Variants in DDX42 observed in about 807,000 individuals in gnomAD.
DDX42 encodes the protein ATP-dependent RNA helicase DDX42.
A neutral mutation model predicts 101.5 loss-of-function variants in DDX42; 22 were observed. That is an observed-to-expected ratio of 0.22 (90% CI 0.15 to 0.31). The LOEUF is 0.31. Among genes scored for constraint, DDX42 ranks in the 10% least tolerant of loss-of-function variants. The pLI, the probability that DDX42 is intolerant of heterozygous loss-of-function variation, is 1.00. For missense variants in DDX42, 849 were observed against 1,199.9 expected, an observed-to-expected ratio of 0.71 and a Z score of 4.32; for synonymous variants, 402 against 401.2, an observed-to-expected ratio of 1.00 and a Z score of -0.02.
chr17:63,796,317 T>C (rs560065119), intron 3 of DDX42, among the ~76,000 whole-genome samples: 1 of 152,194 alleles, frequency 6.6e-6, no homozygotes, highest in South Asian at 2.1e-4. Flanking sequence ...CTTTTTTCTT[T>C]TTGGAGGGAG....
At chr17:63,780,046 C>T (rs1200106072) in intron 1 of DDX42, among the ~76,000 whole-genome samples, 1 of 152,200 alleles carries the variant, frequency 6.6e-6, no homozygotes, top group East Asian at 1.9e-4. Context: ...CCTGTAATCC[C>T]AGCACTTTGG....
chr17:63,806,677 A>C (rs765111358), intron 8 of DDX42, 23 bp downstream of exon 8: 16 of 1,593,508 alleles, frequency 1.0e-5, no homozygotes, highest in African/African-American at 2.7e-5. Flanking sequence ...TAATGAAAGA[A>C]AAATAAAGTA....
At chr17:63,786,009 C>T (rs2039543901) in intron 1 of DDX42, among the ~76,000 whole-genome samples, 1 of 152,166 alleles carries the variant, frequency 6.6e-6, no homozygotes, top group Non-Finnish European at 1.5e-5. Flanking sequence ...TGGCCTTGCA[C>T]ATATCAGATT....
chr17:63,783,832 G>A (rs1395932853), intron 1 of DDX42, among the ~76,000 whole-genome samples: 1 of 152,066 alleles, frequency 6.6e-6, no homozygotes, highest in Non-Finnish European at 1.5e-5. Context: ...GGAGGCCAAG[G>A]TGGTTGGATT....
chr17:63,811,303 T>A (rs2039907463), intron 13 of DDX42, 130 bp downstream of exon 13: 8 of 684,984 alleles, frequency 1.2e-5, no homozygotes, highest in Non-Finnish European at 1.6e-5. Context: ...TGCTTGAGAT[T>A]GGGTATTTTG....
Position 63,809,007 on chromosome 17 carries a change from T to G in DDX42, c.1152+59T>G, listed in dbSNP as rs16947104. 2.2e-3 allele frequency: 3,560 copies of G among 1,589,430 alleles called. 69 individuals are homozygous for G. The African/African-American group carries it at 0.043, about 19-fold the overall frequency. On this transcript the variant is annotated intron_variant, in intron 10 of 17. Coordinates refer to ENST00000389924, the MANE Select transcript of DDX42 (RefSeq NM_203499.3). ...CCTCCCTCGGTATGGAAAACATGAT[T>G]AGTTTTGCAGAGAATTTCCCCTAAA...
At chr17:63,778,589 A>G (rs1488310873) in intron 1 of DDX42, among the ~76,000 whole-genome samples, 2 of 152,078 alleles carry the variant, frequency 1.3e-5, no homozygotes, top group Non-Finnish European at 2.9e-5. Flanking sequence ...ATAGGCACTC[A>G]GTATATTTTG....
chr17:63,788,587 C>T (rs1304234433), intron 2 of DDX42, among the ~76,000 whole-genome samples: 2 of 152,052 alleles, frequency 1.3e-5, no homozygotes, highest in Admixed American at 6.6e-5. Flanking sequence ...ATTATACAGG[C>T]GTGAGCCACT....
chr17:63,802,539 G>A (rs772217093), intron 6 of DDX42, among the ~76,000 whole-genome samples: 1 of 152,194 alleles, frequency 6.6e-6, no homozygotes, highest in Non-Finnish European at 1.5e-5. Flanking sequence ...AGGCTGAGGC[G>A]GGTAGATCGC....
chr17:63,807,999 T>G (rs1231617939), intron 9 of DDX42, 99 bp downstream of exon 9: 1 of 1,116,224 alleles, frequency 9.0e-7, no homozygotes, highest in African/African-American at 1.6e-5. Flanking sequence ...TTTTTTTAAT[T>G]GTGATAAGAT....
chr17:63,818,581 G>A lies in DDX42; in HGVS notation c.*183G>A, dbSNP rs1044218275. ...TTTTCGGATGTTTTCTTGGGAAGCT[G>A]TTTTGGTCCTTGGAAGCAGTGAGAG... On this transcript the variant is annotated 3_prime_UTR_variant, in exon 18 of 18. Coordinates refer to ENST00000389924, the MANE Select transcript of DDX42 (RefSeq NM_203499.3). The A allele has an allele frequency of 1.5e-5, 9 of 611,872 alleles. No individual in the cohort carries two copies. Among genetic ancestry groups the A allele is most frequent in the Middle Eastern group, 4.5e-4 (1 of 2,224 alleles). 37.9% of individuals were successfully genotyped at this position (611,872 alleles called of 1,614,324 possible).
intron 2 of DDX42, among the ~76,000 whole-genome samples, chr17:63,791,922 C>G (rs1275209131): frequency 6.6e-6 from 1 of 151,912 alleles, no homozygotes; most frequent in African/African-American, 2.4e-5. Flanking sequence ...TGGCAGGTGC[C>G]TGTGATCCCA....
intron 1 of DDX42, among the ~76,000 whole-genome samples, chr17:63,784,359 C>T (rs1598323461): frequency 1.3e-5 from 2 of 152,310 alleles, no homozygotes; most frequent in Middle Eastern, 6.8e-3. Flanking sequence ...AACAGCCTGT[C>T]AGCTGTCTCT....
intron 1 of DDX42, among the ~76,000 whole-genome samples, chr17:63,784,310 C>G (rs1314886980): frequency 6.6e-6 from 1 of 151,952 alleles, no homozygotes; most frequent in East Asian, 1.9e-4. Flanking sequence ...TAATGGTAAA[C>G]AAAATAAAAA....
intron 2 of DDX42, among the ~76,000 whole-genome samples, chr17:63,790,303 T>C (rs568896898): frequency 6.6e-6 from 1 of 152,298 alleles, no homozygotes; most frequent in South Asian, 2.1e-4. Context: ...ACAGTTACTA[T>C]ATAAAGGAGT....
chr17:63,793,567 C>T (rs963747479), intron 3 of DDX42, among the ~76,000 whole-genome samples: 8 of 152,178 alleles, frequency 5.3e-5, no homozygotes, highest in African/African-American at 1.7e-4. Context: ...TGTGCCCAAT[C>T]CAATTCTGTT....
chr17:63,775,314 T>C (rs1394441289), intron 1 of DDX42: 1 of 152,426 alleles, frequency 6.6e-6, no homozygotes, highest in Non-Finnish European at 1.5e-5. Context: ...GTATTTTTAT[T>C]GGTGCCTATT....
At chr17:63,801,010 TTTC>T (rs1401197787) in intron 6 of DDX42, among the ~76,000 whole-genome samples, 3 of 151,320 alleles carry the variant, frequency 2.0e-5, no homozygotes, top group Non-Finnish European at 1.5e-5. Context: ...TTTTCCTCTC[TTTC>T]TTCTTTCTTT....
Position 63,792,498 on chromosome 17 carries a change from A to G in DDX42, c.308A>G (p.His103Arg). Residue 103 changes from histidine to arginine, a missense_variant, in exon 3 of 18, where the codon CAT becomes CGT. Transcript: ENST00000389924. ...AENSPTRQQFHSKPVDSDSDD... is the reference protein window; with the variant it reads ...AENSPTRQQFRSKPVDSDSDD... The stretch of plus-strand genomic sequence containing the variant: ...AACTCACCAACTCGCCAGCAATTCC[A>G]TTCCAAGCCAGTAGATTCTGACAGC... The G allele has an allele frequency of 1.2e-6, 2 of 1,613,900 alleles. No individual in the cohort carries two copies. Among genetic ancestry groups the G allele is most frequent in the East Asian group, 2.2e-5 (1 of 44,864 alleles).
Sources: gnomAD v4.1 joint callset for allele counts (sites outside exome capture counted in the v4.1 genomes callset) on GRCh38, gnomAD v4.1.1 for gene constraint, MANE v1.5 for transcripts, NCBI Gene and HGNC (gene_info 2026-07-23, HGNC 2026-07-21) for gene names.